Variants in SLIT2 observed in about 807,000 individuals in gnomAD.
SLIT2 encodes the protein slit homolog 2 protein.
Under a neutral mutation model 185.7 loss-of-function variants are expected in SLIT2, and 41 were observed. The observed-to-expected ratio is 0.22, with a 90% CI of 0.17 to 0.29. The LOEUF (loss-of-function observed/expected upper bound fraction) is 0.29, where lower values mean the gene tolerates loss of function less well. Ranked by LOEUF, SLIT2 falls within the 10% of genes least tolerant of loss-of-function variation. The pLI is 1.00. For missense variants in SLIT2, 1,571 were observed against 1,909.0 expected (o/e 0.82, Z 3.30); for synonymous variants, 693 against 680.2 (o/e 1.02, Z -0.29).
At chr4:20,288,516 G>A (rs1207308158) in intron 4 of SLIT2, among the ~76,000 whole-genome samples, 2 of 152,164 alleles carry the variant, frequency 1.3e-5, no homozygotes, top group Non-Finnish European at 2.9e-5. Context: ...CTATACCCAG[G>A]ATAATTTTTC....
At chr4:20,321,259 A>G (rs574791804) in intron 4 of SLIT2, among the ~76,000 whole-genome samples, 1 of 152,330 alleles carries the variant, frequency 6.6e-6, no homozygotes, top group South Asian at 2.1e-4. Context: ...CAGGCTACAC[A>G]TCACTCAGTC....
intron 4 of SLIT2, among the ~76,000 whole-genome samples, chr4:20,333,411 C>CT (rs1720231630): frequency 6.6e-6 from 1 of 152,138 alleles, no homozygotes; most frequent in Admixed American, 6.6e-5. Flanking sequence ...TTTAAGCACT[C>CT]TTTTTTTAAA....
At chr4:20,317,043 A>T (rs1042998764) in intron 4 of SLIT2, among the ~76,000 whole-genome samples, 2 of 151,616 alleles carry the variant, frequency 1.3e-5, no homozygotes, top group African/African-American at 4.8e-5. Flanking sequence ...GAAAGATTAA[A>T]AAAAAAAAAG....
chr4:20,293,129 G>T (rs912920886), intron 4 of SLIT2, among the ~76,000 whole-genome samples: 12 of 152,194 alleles, frequency 7.9e-5, no homozygotes, highest in Non-Finnish European at 1.5e-4. Flanking sequence ...TCATTGACTG[G>T]GAAAAAGTTC....
intron 4 of SLIT2, among the ~76,000 whole-genome samples, chr4:20,381,835 AC>A (rs1263447689): frequency 3.9e-5 from 6 of 152,094 alleles, no homozygotes; most frequent in African/African-American, 9.7e-5. Flanking sequence ...ATTTTATGAT[AC>A]AAAAATCAGA....
rs1722906465 is a variant in SLIT2 at position 20,363,713 on chromosome 4, C to T, written c.395+94832C>T. Reference sequence around the variant, plus strand: ...ATGCAGATTTAAAAGCTTTGGGAATCAAGGTTATGAATAAAAAAAATCATT... The same window carrying T: ...ATGCAGATTTAAAAGCTTTGGGAATTAAGGTTATGAATAAAAAAAATCATT... On this transcript the variant is annotated intron_variant, in intron 4 of 36. Coordinates refer to ENST00000504154, the MANE Select transcript of SLIT2 (RefSeq NM_004787.4). Among the ~76,000 whole-genome samples, 9 of 152,096 alleles carry T rather than the reference C, an allele frequency of 5.9e-5. No homozygotes were observed. In the South Asian group the frequency reaches 1.9e-3, roughly 32 times the overall value.
At position 20,293,454 on chromosome 4, in the gene SLIT2, G is replaced by T. The variant is rs116469216; in HGVS notation, c.395+24573G>T. Reference sequence around the variant, plus strand: ...TGTATGGTGGGTTTGGGTGAAACTAGACTAAAATTTTTAACAAAGCCTAAA... The same window carrying T: ...TGTATGGTGGGTTTGGGTGAAACTATACTAAAATTTTTAACAAAGCCTAAA... On this transcript the variant is annotated intron_variant, in intron 4 of 36. Coordinates refer to ENST00000504154, the MANE Select transcript of SLIT2 (RefSeq NM_004787.4). Among the ~76,000 whole-genome samples, 1,505 of 152,298 alleles carry T rather than the reference G, an allele frequency of 9.9e-3. 27 individuals are homozygous for T. The highest frequency in any genetic ancestry group is 0.034 in the African/African-American group (1,407 of 41,556).
At chr4:20,542,431 A>G in intron 20 of SLIT2, 63 bp from the exon 21 acceptor site, 1 of 1,527,366 alleles carries the variant, frequency 6.5e-7, no homozygotes, top group South Asian at 1.2e-5. Flanking sequence ...AAAGGCATAA[A>G]ATCCCTTCTA....
chr4:20,471,099 A>T (rs1714954688), intron 5 of SLIT2, among the ~76,000 whole-genome samples: 2 of 152,200 alleles, frequency 1.3e-5, no homozygotes, highest in South Asian at 4.1e-4. Flanking sequence ...ACAATGTGAA[A>T]GACAATGAGG....
At chr4:20,354,904 T>TGAGAGAGA (rs1227961659) in intron 4 of SLIT2, among the ~76,000 whole-genome samples, 1 of 63,340 alleles carries the variant, frequency 1.6e-5, no homozygotes, top group Non-Finnish European at 3.9e-5. Context: ...TGTGTGTGTG[T>TGAGAGAGA]GTGAGAGAGA....
At chr4:20,257,994 C>A in intron 3 of SLIT2, 55 bp downstream of exon 3, 5 of 848,324 alleles carry the variant, frequency 5.9e-6, no homozygotes, top group South Asian at 1.6e-5. Context: ...TTTAAAAATA[C>A]TTAAATTTCA....
intron 4 of SLIT2, among the ~76,000 whole-genome samples, chr4:20,467,066 G>C (rs1272148712): frequency 6.6e-6 from 1 of 152,034 alleles, no homozygotes; most frequent in Non-Finnish European, 1.5e-5. Context: ...GCTGTTTCCA[G>C]CTCAGAGTGC....
intron 30 of SLIT2, among the ~76,000 whole-genome samples, chr4:20,594,961 C>T (rs1727856206): frequency 6.6e-6 from 1 of 152,162 alleles, no homozygotes; most frequent in Admixed American, 6.5e-5. Context: ...ATGGTTAGAG[C>T]AGGGCCAGAG....
chr4:20,328,130 G>A (rs899691654), intron 4 of SLIT2, among the ~76,000 whole-genome samples: 47 of 152,166 alleles, frequency 3.1e-4, no homozygotes, highest in African/African-American at 1.1e-3. Context: ...TATTGGTCAA[G>A]TTAGAATGTC....
intron 29 of SLIT2, among the ~76,000 whole-genome samples, chr4:20,588,380 A>T (rs1031886066): frequency 6.6e-6 from 1 of 152,176 alleles, no homozygotes; most frequent in African/African-American, 2.4e-5. Context: ...ATTTCTACCA[A>T]CTAGCAGTGT....
chr4:20,561,308 T>G (rs1466848840), intron 26 of SLIT2, among the ~76,000 whole-genome samples: 5 of 151,792 alleles, frequency 3.3e-5, no homozygotes, highest in African/African-American at 1.2e-4. Flanking sequence ...TCCTCTAATT[T>G]TATATGTTAG....
At chr4:20,437,054 C>A (rs1302515066) in intron 4 of SLIT2, among the ~76,000 whole-genome samples, 1 of 152,116 alleles carries the variant, frequency 6.6e-6, no homozygotes, top group Non-Finnish European at 1.5e-5. Context: ...TAAATGTAAG[C>A]ATTTTGTCTC....
Position 20,253,837 on chromosome 4 carries a change from A to C in SLIT2, c.22A>C (p.Met8Leu), listed in dbSNP as rs764261253. Residue 8 changes from methionine to leucine, a missense_variant, in exon 1 of 37, where the codon ATG (methionine) becomes CTG (leucine). Met to Leu is a conservative substitution (Grantham distance 15). This residue lies in a region of SLIT2 where 1,202 missense variants were observed against 1,416.4 expected (regional missense o/e 0.85). Transcript: ENST00000504154. ...AAAGATGCGCGGCGTTGGCTGGCAGATGCTGTCCCTGTCGCTGGGGTTAGT... is the reference window on the plus strand; with the variant it reads ...AAAGATGCGCGGCGTTGGCTGGCAGCTGCTGTCCCTGTCGCTGGGGTTAGT... The part of the protein sequence containing the change: MRGVGWQ[M>L]LSLSLGLVLA... 6.3e-7 allele frequency: 1 copy of C among 1,599,754 alleles called. No individual in the cohort carries two copies. Among genetic ancestry groups the C allele is most frequent in the African/African-American group, 1.3e-5 (1 of 75,024 alleles).
intron 3 of SLIT2, among the ~76,000 whole-genome samples, chr4:20,260,904 A>C (rs543830031): frequency 6.7e-6 from 1 of 149,148 alleles, no homozygotes; most frequent in Non-Finnish European, 1.5e-5. Flanking sequence ...TTTTTCTTCC[A>C]TTTTCTTTTC....
Sources: allele counts gnomAD v4.1 joint callset (sites outside exome capture counted in the v4.1 genomes callset), GRCh38; gene constraint gnomAD v4.1.1; regional missense constraint gnomAD v4.1.1; transcripts MANE v1.5; gene names NCBI Gene and HGNC (gene_info 2026-07-23, HGNC 2026-07-21).